The following TRMT2B variants were observed in gnomAD, a reference collection of about 807,000 sequenced individuals.
TRMT2B encodes the protein tRNA (uracil-5-)-methyltransferase homolog B.
TRMT2B carries 34 observed loss-of-function variants against 39.7 expected under a neutral mutation model. The ratio of observed to expected loss-of-function variants is 0.86; its 90% CI spans 0.65 to 1.14. The LOEUF is 1.14. Ranked by LOEUF, TRMT2B falls within the 50% of genes most tolerant of loss-of-function variation. TRMT2B has a pLI of 0.00. For missense variants in TRMT2B, 318 were observed against 377.2 expected (o/e 0.84, Z 1.30); for synonymous variants, 132 against 137.3 (o/e 0.96, Z 0.27).
At chrX:100,988,936 G>A in the TRMT2B span, among the ~76,000 whole-genome samples, 2 of 102,509 alleles carry the variant, frequency 2.0e-5, no homozygotes, top group Non-Finnish European at 3.9e-5. Flanking sequence ...TTCTTGAGCT[G>A]TCTCCAAGGA....
In TRMT2B at chrX:101,042,267, ACTCTT is replaced by A; in HGVS notation, c.18_22del (p.Arg6SerfsTer42). On this transcript the variant is annotated frameshift_variant, in exon 3 of 14. Coordinates refer to ENST00000372936, the MANE Select transcript of TRMT2B (RefSeq NM_024917.6). LOFTEE classifies it high-confidence loss of function. Reference sequence around the variant, plus strand: ...GAAGTATCTGAGGCTGTGCAGTGGGACTCTTCTCTTAAGGCCTGCCATCCAAAGAA... The same window carrying A: ...GAAGTATCTGAGGCTGTGCAGTGGGACTCTTAAGGCCTGCCATCCAAAGAA... 2 of 1,210,250 alleles carry A rather than the reference ACTCTT, an allele frequency of 1.7e-6. No individual in the cohort carries two copies. Among genetic ancestry groups the A allele is most frequent in the South Asian group, 1.8e-5 (1 of 56,908 alleles).
chrX:100,977,997 A>G, the TRMT2B span, among the ~76,000 whole-genome samples: 1 of 111,831 alleles, frequency 8.9e-6, no homozygotes, highest in East Asian at 2.8e-4. Flanking sequence ...CAACATACTG[A>G]TTTCCCTTCT....
chrX:101,037,149 G>A, intron 5 of TRMT2B, 76 bp from the exon 6 acceptor site: 1 of 813,088 alleles, frequency 1.2e-6, no homozygotes, highest in Non-Finnish European at 1.9e-6. Context: ...AGGGAAAGCA[G>A]GAATGTTCTC....
intron 2 of TRMT2B, among the ~76,000 whole-genome samples, chrX:101,048,014 T>A (rs1311012615): frequency 1.8e-5 from 2 of 109,474 alleles, no homozygotes; most frequent in Non-Finnish European, 3.8e-5. Flanking sequence ...GACATTCTGT[T>A]AACCTGCTGT....
the TRMT2B span, among the ~76,000 whole-genome samples, chrX:100,989,758 CTGTCAATATTATAA>C: frequency 1.8e-5 from 2 of 112,236 alleles, no homozygotes; most frequent in Non-Finnish European, 3.8e-5. Context: ...AGATTGTCAA[CTGTCAATATTATAA>C]TGTCATCTCA....
At chrX:100,977,587 G>A in the TRMT2B span, among the ~76,000 whole-genome samples, 1 of 110,007 alleles carries the variant, frequency 9.1e-6, no homozygotes, top group Non-Finnish European at 1.9e-5. Flanking sequence ...CACCATGTTG[G>A]CCAGGCTGGT....
chrX:100,992,530 G>A, the TRMT2B span, among the ~76,000 whole-genome samples: 1,214 of 111,218 alleles, frequency 0.011, 27 homozygotes, highest in African/African-American at 0.038. Context: ...GCAGTGAGCC[G>A]AGATTGCACC....
chrX:101,015,658 A>G (rs1460799396), intron 13 of TRMT2B: 1 of 744,157 alleles, frequency 1.3e-6, no homozygotes, highest in East Asian at 1.5e-4. Context: ...TTAAGGAAAA[A>G]AGTCTTTGTG....
intron 7 of TRMT2B, among the ~76,000 whole-genome samples, chrX:101,030,451 A>ATTTTTTTTTTTTTTTTTTTTTTTTTTT (rs1248355991): frequency 6.4e-5 from 3 of 46,554 alleles, no homozygotes; most frequent in Non-Finnish European, 1.2e-4. Flanking sequence ...ATAGATCTGC[A>ATTTTTTTTTTTTTTTTTTTTTTTTTTT]TTCTTTTTTT....
chrX:101,030,960 T>G (rs1368677670), intron 7 of TRMT2B, among the ~76,000 whole-genome samples: 1 of 109,298 alleles, frequency 9.1e-6, no homozygotes, highest in African/African-American at 3.4e-5. Flanking sequence ...AACTATTAAC[T>G]GGTCAAAGCC....
At position 101,052,008 on chromosome X, in the gene TRMT2B, G is replaced by A. The variant is rs1271764631; in HGVS notation, c.-698C>T. ...CCGGCACCTCGACTCCTCTCGGGGA[G>A]TACCCCTCCCTACTTTGCTGGGGGA... On this transcript the variant is annotated 5_prime_UTR_variant, in exon 1 of 14. Coordinates refer to ENST00000372936, the MANE Select transcript of TRMT2B (RefSeq NM_024917.6). 9.0e-6 allele frequency: 1 copy of A among 111,428 alleles called. No homozygotes were observed. Among genetic ancestry groups the A allele is most frequent in the East Asian group, 2.9e-4 (1 of 3,481 alleles). 9.2% of individuals were successfully genotyped at this position (111,428 alleles called of 1,213,427 possible).
At chrX:101,020,710 C>G in intron 10 of TRMT2B, 122 bp from the exon 11 acceptor site, 6 of 573,642 alleles carry the variant, frequency 1.0e-5, no homozygotes, top group Non-Finnish European at 1.4e-5. Context: ...CACTCTGTAG[C>G]CTAGGCTGGA....
At chrX:100,974,138 T>C in the TRMT2B span, 46 of 1,188,866 alleles carry the variant, frequency 3.9e-5, no homozygotes, top group Middle Eastern at 6.9e-4. Flanking sequence ...AATGTGACCA[T>C]CCCTATCATT....
the TRMT2B span, among the ~76,000 whole-genome samples, chrX:100,988,864 A>C: frequency 2.1e-5 from 2 of 96,684 alleles, no homozygotes; most frequent in African/African-American, 8.4e-5. Context: ...ATATATATAT[A>C]TATATATATA....
intron 2 of TRMT2B, among the ~76,000 whole-genome samples, chrX:101,042,620 A>G (rs1371495311): frequency 8.9e-6 from 1 of 112,058 alleles, no homozygotes; most frequent in East Asian, 2.8e-4. Flanking sequence ...CAAGCAGCTA[A>G]TATTTAGTAA....
chrX:101,006,571 G>C (rs1298791174), downstream of TRMT2B, among the ~76,000 whole-genome samples: 1 of 111,003 alleles, frequency 9.0e-6, no homozygotes, highest in Non-Finnish European at 1.9e-5. Flanking sequence ...GGGAGGCTAA[G>C]GTGGGAGGAT....
chrX:100,988,169 G>C, the TRMT2B span: 2 of 1,163,520 alleles, frequency 1.7e-6, no homozygotes, highest in African/African-American at 3.6e-5. Context: ...TTCTACTACT[G>C]CTGTCCTTTC....
At chrX:100,983,292 CA>C in the TRMT2B span, among the ~76,000 whole-genome samples, 11 of 108,631 alleles carry the variant, frequency 1.0e-4, no homozygotes, top group Middle Eastern at 4.8e-3. Flanking sequence ...TCTGACAGGG[CA>C]AAAAAAATAT....
the TRMT2B span, chrX:100,986,836 T>C: frequency 8.3e-7 from 1 of 1,206,603 alleles, no homozygotes; most frequent in Non-Finnish European, 1.1e-6. Context: ...CCTCATGCCT[T>C]GTGATATTAT....
Sources: allele counts gnomAD v4.1 joint callset (sites outside exome capture counted in the v4.1 genomes callset), GRCh38; gene constraint gnomAD v4.1.1; transcripts MANE v1.5; gene names NCBI Gene and HGNC (gene_info 2026-07-23, HGNC 2026-07-21).